Variants in SUGCT observed in about 807,000 individuals in gnomAD.
SUGCT encodes the protein succinyl-CoA:glutarate CoA-transferase.
In SUGCT, 41 loss-of-function variants were observed where a neutral mutation model predicts 55.0. The observed-to-expected ratio is 0.74, with a 90% CI of 0.58 to 0.97. The LOEUF is 0.97. SUGCT is among the 50% of genes least tolerant of loss of function. SUGCT has a pLI of 0.00. For synonymous variants in SUGCT, 187 were observed against 200.4 expected (o/e 0.93, Z 0.56); for missense variants, 568 against 547.8 (o/e 1.04, Z -0.37).
intron 13 of SUGCT, among the ~76,000 whole-genome samples, chr7:40,786,652 T>G (rs1005457038): frequency 9.8e-5 from 15 of 152,290 alleles, no homozygotes; most frequent in Admixed American, 5.9e-4. Context: ...ATTTCTATAA[T>G]AAATGAAAAA....
At chr7:40,354,257 A>G (rs1279178989) in intron 9 of SUGCT, among the ~76,000 whole-genome samples, 2 of 152,176 alleles carry the variant, frequency 1.3e-5, no homozygotes, top group African/African-American at 4.8e-5. Flanking sequence ...AGAATACAGA[A>G]TTCAGTGCTG....
intron 13 of SUGCT, among the ~76,000 whole-genome samples, chr7:40,839,622 T>A (rs1277720034): frequency 6.6e-6 from 1 of 152,202 alleles, no homozygotes; most frequent in Non-Finnish European, 1.5e-5. Flanking sequence ...ATTTTAATAT[T>A]TTTTGAGTTT....
intron 12 of SUGCT, among the ~76,000 whole-genome samples, chr7:40,571,432 C>G (rs190374621): frequency 9.8e-4 from 149 of 152,104 alleles, no homozygotes; most frequent in African/African-American, 3.3e-3. Context: ...AGTTCCATGT[C>G]TAATCATTTC....
chr7:40,265,276 T>C (rs1791491184), intron 7 of SUGCT, among the ~76,000 whole-genome samples: 2 of 152,350 alleles, frequency 1.3e-5, no homozygotes, highest in South Asian at 4.1e-4. Flanking sequence ...TTAACACTTT[T>C]GTTGTTTTAT....
At chr7:41,034,428 C>G in the SUGCT span, among the ~76,000 whole-genome samples, 1 of 152,260 alleles carries the variant, frequency 6.6e-6, no homozygotes, top group Non-Finnish European at 1.5e-5. Flanking sequence ...AGAGCCGAGT[C>G]TGAGCCTTAA....
At chr7:40,457,813 G>A (rs1420075317) in intron 10 of SUGCT, among the ~76,000 whole-genome samples, 1 of 152,140 alleles carries the variant, frequency 6.6e-6, no homozygotes, top group African/African-American at 2.4e-5. Context: ...GGTGAGGCCA[G>A]GTTTATAAAT....
the SUGCT span, chr7:40,965,825 A>G: frequency 3.3e-5 from 5 of 152,232 alleles, no homozygotes; most frequent in African/African-American, 1.2e-4. Context: ...ATGGAAAATG[A>G]AAGTTATTTA....
At chr7:40,463,221 C>A (rs1789908591) in intron 11 of SUGCT, among the ~76,000 whole-genome samples, 2 of 152,152 alleles carry the variant, frequency 1.3e-5, no homozygotes, top group African/African-American at 4.8e-5. Context: ...TGGAGGGATT[C>A]ATGAGAGTGA....
intron 13 of SUGCT, among the ~76,000 whole-genome samples, chr7:40,821,321 A>T (rs142664696): frequency 3.3e-5 from 5 of 152,020 alleles, no homozygotes; most frequent in Admixed American, 3.3e-4. Context: ...ATTGATTGGA[A>T]TAGTTTCAGA....
chr7:40,644,270 T>A (rs894242911), intron 12 of SUGCT, among the ~76,000 whole-genome samples: 1 of 152,218 alleles, frequency 6.6e-6, no homozygotes, highest in African/African-American at 2.4e-5. Flanking sequence ...CTGATCTTGA[T>A]CTGTCTTAAA....
At chr7:40,774,841 A>C (rs1789371160) in intron 13 of SUGCT, among the ~76,000 whole-genome samples, 1 of 151,860 alleles carries the variant, frequency 6.6e-6, no homozygotes, top group African/African-American at 2.4e-5. Context: ...TTGAGTTTTC[A>C]TGGCCATGTG....
rs73312209 is a variant in SUGCT at position 40,739,799 on chromosome 7, C to G, written c.1090-9635C>G. Among the ~76,000 whole-genome samples, 1,472 of 152,160 alleles carry G rather than the reference C, an allele frequency of 9.7e-3. 21 individuals are homozygous for G. The highest frequency in any genetic ancestry group is 0.033 in the African/African-American group (1,355 of 41,502). On this transcript the variant is annotated intron_variant, in intron 12 of 13. Transcript: ENST00000335693. ...CTGCCAATATGATATTCTCCTAGTA[C>G]CTGCTTGGTGTTTAGCAGTTATATA...
chr7:41,026,389 A>G, the SUGCT span, among the ~76,000 whole-genome samples: 1 of 152,138 alleles, frequency 6.6e-6, no homozygotes, highest in Admixed American at 6.5e-5. Flanking sequence ...CCTGTATTTT[A>G]CAGTTTGGAC....
chr7:40,557,140 A>G (rs971577222), intron 12 of SUGCT, among the ~76,000 whole-genome samples: 1 of 152,222 alleles, frequency 6.6e-6, no homozygotes, highest in Non-Finnish European at 1.5e-5. Context: ...ACGGACAAGC[A>G]TATATAGACT....
At chr7:40,556,026 A>G (rs1024716089) in intron 12 of SUGCT, among the ~76,000 whole-genome samples, 4 of 151,782 alleles carry the variant, frequency 2.6e-5, no homozygotes, top group African/African-American at 2.4e-5. Flanking sequence ...CCAACACATA[A>G]TCTCTTTGAA....
chr7:40,774,479 A>G (rs1052373913), intron 13 of SUGCT, among the ~76,000 whole-genome samples: 6 of 152,188 alleles, frequency 3.9e-5, no homozygotes, highest in African/African-American at 1.4e-4. Flanking sequence ...AAATTGATCT[A>G]TAATGTTCTC....
intron 12 of SUGCT, among the ~76,000 whole-genome samples, chr7:40,597,374 A>T (rs1223210081): frequency 1.3e-5 from 2 of 152,190 alleles, no homozygotes; most frequent in Non-Finnish European, 2.9e-5. Context: ...ATATGGAAAC[A>T]TCTATGAGCA....
At chr7:40,568,214 G>A (rs1388506003) in intron 12 of SUGCT, among the ~76,000 whole-genome samples, 3 of 152,192 alleles carry the variant, frequency 2.0e-5, no homozygotes, top group East Asian at 1.9e-4. Context: ...TTAGTCAAAC[G>A]GCTATTTTGT....
At chr7:40,636,325 T>C (rs1800019180) in intron 12 of SUGCT, among the ~76,000 whole-genome samples, 1 of 152,098 alleles carries the variant, frequency 6.6e-6, no homozygotes, top group African/African-American at 2.4e-5. Context: ...CCTCTACATG[T>C]GGCTGCTTGG....
Sources: allele counts gnomAD v4.1 joint callset (sites outside exome capture counted in the v4.1 genomes callset), GRCh38; gene constraint gnomAD v4.1.1; transcripts MANE v1.5; gene names NCBI Gene and HGNC (gene_info 2026-07-23, HGNC 2026-07-21).